TRAPPC8: variants seen among roughly 807,000 people sequenced by gnomAD.
The protein encoded by TRAPPC8 is general sporulation gene 1 homolog.
Under a neutral mutation model 174.3 loss-of-function variants are expected in TRAPPC8, and 54 were observed. The ratio of observed to expected loss-of-function variants is 0.31; its 90% CI spans 0.25 to 0.39. The LOEUF (loss-of-function observed/expected upper bound fraction) is 0.39. Ranked by LOEUF, TRAPPC8 falls within the 10% of genes least tolerant of loss-of-function variation. The pLI is 1.00. For missense variants in TRAPPC8, 1,531 were observed against 1,699.1 expected (o/e 0.90, Z 1.74); for synonymous variants, 630 against 579.9 (o/e 1.09, Z -1.24).
At chr18:31,873,379 GTTTT>G in intron 14 of TRAPPC8, 47 bp downstream of exon 14, 1 of 1,430,736 alleles carries the variant, frequency 7.0e-7, no homozygotes. Context: ...AGGAAAAGAA[GTTTT>G]TTTTAAATTG....
intron 19 of TRAPPC8, among the ~76,000 whole-genome samples, chr18:31,861,960 G>T (rs1025612542): frequency 2.7e-5 from 4 of 146,142 alleles, no homozygotes; most frequent in African/African-American, 1.0e-4. Context: ...GGTGGGGGAG[G>T]AGAGAAAAAA....
At chr18:31,894,208 G>T (rs1246915522) in intron 11 of TRAPPC8, among the ~76,000 whole-genome samples, 1 of 152,104 alleles carries the variant, frequency 6.6e-6, no homozygotes, top group Non-Finnish European at 1.5e-5. Flanking sequence ...TCATATCTTG[G>T]TCCAGCTTTA....
Position 31,890,747 on chromosome 18 carries a change from A to G in TRAPPC8, c.1716T>C (p.Ser572=). The change falls in exon 12 of 29, where the codon AGT becomes AGC. Residue 572 remains serine (S), a synonymous_variant. Transcript: ENST00000283351. The part of the protein sequence containing the change: ...FHMILAGHRF[S]KAGQKKHALR... ...CAAATGCACTCACCTGCCCTGCTTT[A>G]CTAAATCGATGGCCTGCCAATATCA... 6.2e-7 allele frequency: 1 copy of G among 1,611,266 alleles called. No homozygotes were observed. Among genetic ancestry groups the G allele is most frequent in the Non-Finnish European group, 8.5e-7 (1 of 1,178,542 alleles).
chr18:31,931,691 A>G (rs2037852425), intron 1 of TRAPPC8, among the ~76,000 whole-genome samples, 168 bp from the exon 2 acceptor site: 1 of 152,116 alleles, frequency 6.6e-6, no homozygotes, highest in Non-Finnish European at 1.5e-5. Context: ...TCCCTCATAT[A>G]CCAAAAGGGC....
intron 19 of TRAPPC8, among the ~76,000 whole-genome samples, chr18:31,860,133 G>A (rs558672810): frequency 6.6e-6 from 1 of 152,186 alleles, no homozygotes; most frequent in African/African-American, 2.4e-5. Flanking sequence ...ACAAGACCAA[G>A]AACTCACTAT....
At chr18:31,927,007 G>A (rs560514368) in intron 2 of TRAPPC8, among the ~76,000 whole-genome samples, 14 of 152,106 alleles carry the variant, frequency 9.2e-5, no homozygotes, top group African/African-American at 2.4e-4. Flanking sequence ...ATCAATACCC[G>A]AGGAAAAGAC....
Position 31,908,314 on chromosome 18 carries a change from T to A in TRAPPC8, c.1227A>T (p.Thr409=). The A allele has an allele frequency of 6.3e-7, 1 of 1,598,766 alleles. No homozygotes were observed. Among genetic ancestry groups the A allele is most frequent in the Non-Finnish European group, 8.5e-7 (1 of 1,173,612 alleles). ...AACACTTTACTCACAGCAAGCCAGA[T>A]GTATTTTTCAGGTCATTAATGCTCT... ...PEKSINDLKN[T]SGLLYPPEAP... is the part of the protein sequence containing the mutation. The change falls in exon 8 of 29, where the codon ACA becomes ACT. Residue 409 remains threonine, a synonymous_variant. Transcript: ENST00000283351.
rs937714884 is a variant in TRAPPC8, at chr18:31,873,118, C to T, written c.2062+312G>A. Among the ~76,000 whole-genome samples the T allele has an allele frequency of 6.0e-5, 9 of 149,070 alleles. 1 individual carries two copies. Among genetic ancestry groups the T allele is most frequent in the African/African-American group, 1.7e-4 (7 of 40,424 alleles). ...CTGCAACCTCCGCCTCCCGGGTTCA[C>T]GCCATTCTCCTACCTCAGCCTCTTG... On this transcript the variant is annotated intron_variant, in intron 14 of 28. Coordinates refer to ENST00000283351, the MANE Select transcript of TRAPPC8 (RefSeq NM_014939.5).
In TRAPPC8 at chr18:31,908,336, C is replaced by T. The variant is rs758140609; in HGVS notation, c.1205G>A (p.Ser402Asn). ...WFSGSKVPEK[S>N]INDLKNTSGL... The stretch of plus-strand genomic sequence containing the variant: ...AGATGTATTTTTCAGGTCATTAATG[C>T]TCTTTTCTGGAACTTTACTGCCACT... Residue 402 changes from serine to asparagine, a missense_variant, in exon 8 of 29, where the codon AGC becomes AAC. Ser to Asn is a conservative substitution (Grantham distance 46, BLOSUM62 1). Coordinates refer to ENST00000283351, the MANE Select transcript of TRAPPC8 (RefSeq NM_014939.5). The T allele has an allele frequency of 6.2e-7, 1 of 1,605,706 alleles. No individual in the cohort carries two copies. The highest frequency in any genetic ancestry group is 1.1e-5 in the South Asian group (1 of 89,618).
chr18:31,884,254 A>G (rs1000879562), intron 12 of TRAPPC8, among the ~76,000 whole-genome samples: 4 of 152,220 alleles, frequency 2.6e-5, no homozygotes, highest in Admixed American at 1.3e-4. Flanking sequence ...GGATAGAGTT[A>G]GAGGCTTTGT....
intron 1 of TRAPPC8, among the ~76,000 whole-genome samples, chr18:31,932,469 A>G (rs1036466820): frequency 6.6e-6 from 1 of 151,740 alleles, no homozygotes; most frequent in African/African-American, 2.4e-5. Context: ...AACAATGTCC[A>G]GATCCCTTTT....
intron 18 of TRAPPC8, among the ~76,000 whole-genome samples, chr18:31,865,356 AT>A (rs1265781468): frequency 6.6e-6 from 1 of 151,952 alleles, no homozygotes; most frequent in Non-Finnish European, 1.5e-5. Flanking sequence ...CATGTAGTGC[AT>A]GTATGTGTGA....
intron 9 of TRAPPC8, among the ~76,000 whole-genome samples, chr18:31,906,952 A>G (rs1423188935): frequency 6.6e-6 from 1 of 152,198 alleles, no homozygotes; most frequent in Non-Finnish European, 1.5e-5. Context: ...GAAGTCATAC[A>G]TCAAGCAACT....
At chr18:31,924,951 A>AG (rs1414759578) in intron 2 of TRAPPC8, among the ~76,000 whole-genome samples, 1 of 152,218 alleles carries the variant, frequency 6.6e-6, no homozygotes, top group East Asian at 1.9e-4. Flanking sequence ...CCACTTTAAT[A>AG]GAAAAAAAAG....
rs1472244299 is a variant in TRAPPC8 at position 31,839,452 on chromosome 18, T to C, written c.3843A>G (p.Pro1281=). 1.3e-6 allele frequency: 2 copies of C among 1,591,012 alleles called. No individual in the cohort carries two copies. Among genetic ancestry groups the C allele is most frequent in the South Asian group, 1.2e-5 (1 of 84,920 alleles). Reference sequence around the variant, plus strand: ...AAAATTTCAATAGTTCCATTTCTGGTGGCTCCTGAGAAAAGAAAGAAAAAA... The same window carrying C: ...AAAATTTCAATAGTTCCATTTCTGGCGGCTCCTGAGAAAAGAAAGAAAAAA... ...EAFSYPQKQE[P]PEMELLKFFR... is the part of the protein sequence containing the mutation. The change falls in exon 27 of 29, where the codon CCA becomes CCG. Residue 1281 remains proline, a synonymous_variant. Transcript: ENST00000283351.
At chr18:31,929,739 T>C (rs1041119931) in intron 2 of TRAPPC8, among the ~76,000 whole-genome samples, 4 of 152,178 alleles carry the variant, frequency 2.6e-5, no homozygotes, top group African/African-American at 7.2e-5. Flanking sequence ...CTAATGACTA[T>C]GGTAGTACAA....
chr18:31,931,727 G>A (rs1373733550), intron 1 of TRAPPC8, among the ~76,000 whole-genome samples: 1 of 152,072 alleles, frequency 6.6e-6, no homozygotes, highest in Non-Finnish European at 1.5e-5. Flanking sequence ...TTAACCACAG[G>A]ATTCCTTCCC....
At chr18:31,912,011 G>A (rs1000608790) in intron 5 of TRAPPC8, among the ~76,000 whole-genome samples, 7 of 151,870 alleles carry the variant, frequency 4.6e-5, no homozygotes, top group African/African-American at 1.7e-4. Context: ...AACATCAAAC[G>A]CCCATCAACT....
rs1173081017 is a variant in TRAPPC8, at chr18:31,849,718, A to G, written c.3583T>C (p.Cys1195Arg). 5.6e-6 allele frequency: 9 copies of G among 1,606,894 alleles called. No homozygotes were observed. Among genetic ancestry groups the G allele is most frequent in the Non-Finnish European group, 7.6e-6 (9 of 1,177,170 alleles). Reference sequence around the variant, plus strand: ...AAACTTCGATAAAAGAAGTCTGCACATGGGCTTGCTGAACTTATTATCTGT... The same window carrying G: ...AAACTTCGATAAAAGAAGTCTGCACGTGGGCTTGCTGAACTTATTATCTGT... ...NEQIISSASP[C>R]ADFFYRSLSS... The change falls in exon 25 of 29, where the codon TGT (cysteine) becomes CGT (arginine). Residue 1195 changes from cysteine to arginine, a missense_variant. Physicochemically the swap from Cys to Arg is radical, Grantham distance 180. Transcript: ENST00000283351.
Sources: gnomAD v4.1 joint callset for allele counts (sites outside exome capture counted in the v4.1 genomes callset) on GRCh38, gnomAD v4.1.1 for gene constraint, MANE v1.5 for transcripts, NCBI Gene and HGNC (gene_info 2026-07-23, HGNC 2026-07-21) for gene names.